Variants in DGKB observed in about 807,000 individuals in gnomAD.
DGKB encodes 90 kDa diacylglycerol kinase.
Under a neutral mutation model 114.3 loss-of-function variants are expected in DGKB, and 67 were observed. The observed-to-expected ratio is 0.59, with a 90% CI of 0.48 to 0.72. DGKB has a LOEUF of 0.72. Ranked by LOEUF, DGKB falls within the 30% of genes least tolerant of loss-of-function variation. The probability of loss-of-function intolerance (pLI) is 0.00; values close to 1 mark genes in which losing one functional copy is unlikely to be tolerated. For synonymous variants in DGKB, 398 were observed against 323.1 expected, an observed-to-expected ratio of 1.23 and a Z score of -2.49; for missense variants, 907 against 975.2, an observed-to-expected ratio of 0.93 and a Z score of 0.93.
chr7:14,876,169 C>T (rs1853253947), intron 1 of DGKB, among the ~76,000 whole-genome samples: 1 of 152,174 alleles, frequency 6.6e-6, no homozygotes, highest in Non-Finnish European at 1.5e-5. Context: ...TTACCATTGC[C>T]ATGGCAACAC....
At chr7:14,854,235 G>GC (rs1194253136) in intron 1 of DGKB, among the ~76,000 whole-genome samples, 1 of 152,154 alleles carries the variant, frequency 6.6e-6, no homozygotes, top group Non-Finnish European at 1.5e-5. Context: ...AGCTTAATCT[G>GC]CCTAAAACTG....
intron 1 of DGKB, among the ~76,000 whole-genome samples, chr7:14,948,969 AT>A (rs1047236929): frequency 1.3e-5 from 2 of 151,882 alleles, no homozygotes; most frequent in African/African-American, 4.8e-5. Context: ...ATTGCAAGAT[AT>A]AATAAAGTGA....
intron 1 of DGKB, among the ~76,000 whole-genome samples, chr7:14,947,600 T>C (rs1785955565): frequency 1.5e-5 from 2 of 137,808 alleles, no homozygotes; most frequent in African/African-American, 2.8e-5. Context: ...CATATAGATA[T>C]ATGAAGAGCT....
At chr7:14,511,587 T>A (rs1345243528) in intron 20 of DGKB, among the ~76,000 whole-genome samples, 1 of 152,212 alleles carries the variant, frequency 6.6e-6, no homozygotes, top group Non-Finnish European at 1.5e-5. Context: ...CACTTCATAG[T>A]TCATGGGAGT....
At chr7:14,715,058 C>T (rs540462928) in intron 6 of DGKB, among the ~76,000 whole-genome samples, 1 of 152,076 alleles carries the variant, frequency 6.6e-6, no homozygotes, top group Non-Finnish European at 1.5e-5. Context: ...CTCAATTTTA[C>T]AGTTGAGAAA....
At chr7:14,413,055 G>A (rs747308064) in intron 21 of DGKB, among the ~76,000 whole-genome samples, 1 of 151,968 alleles carries the variant, frequency 6.6e-6, no homozygotes, top group Non-Finnish European at 1.5e-5. Context: ...GATGACAGCA[G>A]CCTGGACTAG....
chr7:14,776,964 G>A (rs766467256), intron 2 of DGKB, among the ~76,000 whole-genome samples: 11 of 152,170 alleles, frequency 7.2e-5, no homozygotes, highest in South Asian at 2.1e-4. Flanking sequence ...CAAGCTACAG[G>A]GGTGGAGATT....
intron 21 of DGKB, among the ~76,000 whole-genome samples, chr7:14,431,572 A>G (rs1210883640): frequency 6.6e-6 from 1 of 152,116 alleles, no homozygotes; most frequent in African/African-American, 2.4e-5. Context: ...TCATCAAACA[A>G]CACTGTTTAC....
At chr7:14,778,807 A>G (rs1005695728) in intron 2 of DGKB, among the ~76,000 whole-genome samples, 1 of 152,250 alleles carries the variant, frequency 6.6e-6, no homozygotes, top group Admixed American at 6.5e-5. Context: ...TAAGTTACAT[A>G]GTAGAAAGAG....
chr7:14,553,478 G>A (rs796990641), intron 20 of DGKB, among the ~76,000 whole-genome samples: 1 of 152,208 alleles, frequency 6.6e-6, no homozygotes, highest in South Asian at 2.1e-4. Flanking sequence ...ACACAAGAGT[G>A]TGTGAAATGA....
chr7:14,788,506 C>T (rs1279452426), intron 2 of DGKB, among the ~76,000 whole-genome samples: 1 of 152,178 alleles, frequency 6.6e-6, no homozygotes, highest in African/African-American at 2.4e-5. Flanking sequence ...ATCCAGTCTA[C>T]ACTCCAACAC....
At chr7:14,572,275 C>A (rs867999902) in intron 20 of DGKB, among the ~76,000 whole-genome samples, 4 of 143,660 alleles carry the variant, frequency 2.8e-5, no homozygotes, top group African/African-American at 7.6e-5. Flanking sequence ...AACCCCGTAT[C>A]TACTAAAAAT....
chr7:14,628,702 A>G (rs1030348678), intron 14 of DGKB, among the ~76,000 whole-genome samples: 2 of 152,174 alleles, frequency 1.3e-5, no homozygotes, highest in African/African-American at 4.8e-5. Flanking sequence ...ATGGCAGAAC[A>G]TAAGGTTTCT....
At chr7:14,368,222 T>A (rs1189114411) in intron 21 of DGKB, among the ~76,000 whole-genome samples, 1 of 151,788 alleles carries the variant, frequency 6.6e-6, no homozygotes, top group Non-Finnish European at 1.5e-5. Flanking sequence ...CACTGACACA[T>A]AATTATCACC....
chr7:14,711,541 C>A (rs1827350793), intron 6 of DGKB, among the ~76,000 whole-genome samples: 1 of 151,930 alleles, frequency 6.6e-6, no homozygotes, highest in Admixed American at 6.6e-5. Context: ...AGGTATAAAT[C>A]TATAAGCAGA....
At chr7:14,899,567 T>A (rs919938189) in intron 1 of DGKB, among the ~76,000 whole-genome samples, 1 of 152,142 alleles carries the variant, frequency 6.6e-6, no homozygotes, top group Non-Finnish European at 1.5e-5. Flanking sequence ...TATACCTCTC[T>A]GTGTTTAGAT....
At chr7:14,418,385 A>ACACACACGTG (rs1187897342) in intron 21 of DGKB, among the ~76,000 whole-genome samples, 19 of 145,160 alleles carry the variant, frequency 1.3e-4, no homozygotes, top group African/African-American at 4.1e-4. Flanking sequence ...ATATATATAT[A>ACACACACGTG]TATATATACA....
At chr7:14,212,853 T>C (rs1436364691) in intron 23 of DGKB, among the ~76,000 whole-genome samples, 1 of 152,096 alleles carries the variant, frequency 6.6e-6, no homozygotes, top group Non-Finnish European at 1.5e-5. Context: ...CATCTCTGTC[T>C]TGTTCCTTTT....
chr7:14,652,979 G>A (rs947523064), intron 13 of DGKB, among the ~76,000 whole-genome samples: 1 of 151,602 alleles, frequency 6.6e-6, no homozygotes, highest in Non-Finnish European at 1.5e-5. Context: ...CAGTTAGAAT[G>A]GCAATCATTA....
Sources: allele counts gnomAD v4.1 joint callset (sites outside exome capture counted in the v4.1 genomes callset), GRCh38; gene constraint gnomAD v4.1.1; transcripts MANE v1.5; gene names NCBI Gene and HGNC (gene_info 2026-07-23, HGNC 2026-07-21).